Variants in TXLNB observed in about 807,000 individuals in gnomAD.
TXLNB encodes beta-taxilin.
A neutral mutation model predicts 57.4 loss-of-function variants in TXLNB; 37 were observed. The observed-to-expected ratio is 0.64, with a 90% CI of 0.50 to 0.85. The LOEUF (loss-of-function observed/expected upper bound fraction) is 0.85, where lower values mean the gene tolerates loss of function less well. Among genes scored for constraint, TXLNB ranks in the 40% least tolerant of loss-of-function variants. The pLI, the probability that TXLNB is intolerant of heterozygous loss-of-function variation, is 0.00. For missense variants in TXLNB, 848 were observed against 825.6 expected (o/e 1.03, Z -0.33); for synonymous variants, 302 against 309.6 (o/e 0.98, Z 0.26).
At chr6:139,238,819 C>T (rs1032645568), downstream of TXLNB, among the ~76,000 whole-genome samples, 4 of 152,192 alleles carry the variant, frequency 2.6e-5, no homozygotes, top group African/African-American at 9.6e-5. Flanking sequence ...ATTTTCATTT[C>T]ACATCTTCCA....
the TXLNB span, among the ~76,000 whole-genome samples, chr6:139,189,137 T>C: frequency 6.6e-6 from 1 of 152,220 alleles, no homozygotes; most frequent in African/African-American, 2.4e-5. Flanking sequence ...CAGTAAGCAA[T>C]CATATGATGT....
chr6:139,258,805 G>T (rs1180009535), intron 6 of TXLNB, among the ~76,000 whole-genome samples: 4 of 152,196 alleles, frequency 2.6e-5, no homozygotes, highest in Non-Finnish European at 5.9e-5. Context: ...CACAGAGAGT[G>T]TGGGCTTTGG....
chr6:139,276,269 C>T (rs1776893694), intron 3 of TXLNB, among the ~76,000 whole-genome samples: 1 of 152,078 alleles, frequency 6.6e-6, no homozygotes, highest in Admixed American at 6.5e-5. Flanking sequence ...TGTCAATATA[C>T]CTAAAAATGC....
the TXLNB span, chr6:139,234,242 A>C: frequency 6.6e-6 from 1 of 152,256 alleles, no homozygotes; most frequent in Admixed American, 6.5e-5. Context: ...TTGGGGGGAG[A>C]AAGTCAAGCC....
chr6:139,225,115 T>C, the TXLNB span, among the ~76,000 whole-genome samples: 1 of 152,170 alleles, frequency 6.6e-6, no homozygotes, highest in Non-Finnish European at 1.5e-5. Context: ...GAAAATGCAT[T>C]TGACAAAATT....
At chr6:139,314,519 A>G in the TXLNB span, among the ~76,000 whole-genome samples, 1 of 152,182 alleles carries the variant, frequency 6.6e-6, no homozygotes, top group African/African-American at 2.4e-5. Flanking sequence ...ACTGATGGCT[A>G]TCTTCTATCT....
At chr6:139,237,937 A>G (rs1264362076), downstream of TXLNB, among the ~76,000 whole-genome samples, 1 of 152,186 alleles carries the variant, frequency 6.6e-6, no homozygotes, top group East Asian at 1.9e-4. Context: ...TCTCCTGGCC[A>G]GGTGAAGTAG....
At chr6:139,180,691 GTT>G in the TXLNB span, 2 of 152,530 alleles carry the variant, frequency 1.3e-5, no homozygotes, top group African/African-American at 4.8e-5. Flanking sequence ...AGTGTAAATA[GTT>G]AAAGAATGTT....
chr6:139,160,853 A>G, the TXLNB span, among the ~76,000 whole-genome samples: 259 of 152,392 alleles, frequency 1.7e-3, no homozygotes, highest in African/African-American at 6.1e-3. Context: ...AAACATTTTT[A>G]TGAAACTTTA....
At chr6:139,260,927 G>A (rs1776464767) in intron 5 of TXLNB, among the ~76,000 whole-genome samples, 1 of 152,176 alleles carries the variant, frequency 6.6e-6, no homozygotes, top group South Asian at 2.1e-4. Flanking sequence ...AAGCCTTGGG[G>A]TGCCAGCATG....
rs188482337 is a variant in TXLNB at position 139,283,967 on chromosome 6, A to C, written c.424+4509T>G. On this transcript the variant is annotated intron_variant, in intron 2 of 9. Transcript: ENST00000358430. ...GGTTATAAAAGGAGACCACAGCCAG[A>C]TGTTTATATTTTCTCCAAAAGAGCA... 5.5e-3 allele frequency among the ~76,000 whole-genome samples: 808 copies of C among 145,994 alleles called. 90 individuals are homozygous for C. The highest frequency in any genetic ancestry group is 8.7e-3 in the Non-Finnish European group (572 of 65,520).
chr6:139,207,463 C>T, the TXLNB span, among the ~76,000 whole-genome samples: 1 of 152,064 alleles, frequency 6.6e-6, no homozygotes, highest in African/African-American at 2.4e-5. Flanking sequence ...TTATCAAAAC[C>T]TCTGGGATAC....
chr6:139,213,605 G>A, the TXLNB span, among the ~76,000 whole-genome samples: 1 of 152,168 alleles, frequency 6.6e-6, no homozygotes, highest in African/African-American at 2.4e-5. Context: ...AAAGCTAGCA[G>A]AAGGCAAGAA....
the TXLNB span, among the ~76,000 whole-genome samples, chr6:139,171,339 C>T: frequency 5.3e-5 from 8 of 152,130 alleles, no homozygotes; most frequent in East Asian, 3.9e-4. Flanking sequence ...CTTGTGTGTG[C>T]GTATATATAC....
At chr6:139,306,097 G>A in the TXLNB span, among the ~76,000 whole-genome samples, 1 of 152,166 alleles carries the variant, frequency 6.6e-6, no homozygotes, top group African/African-American at 2.4e-5. Flanking sequence ...CAAGAATGGT[G>A]TATTTTATCT....
At position 139,247,453 on chromosome 6, in the gene TXLNB, T is replaced by G. The variant is rs12190891; in HGVS notation, c.1170+364A>C. Among the ~76,000 whole-genome samples the G allele has an allele frequency of 7.6e-3, 1,151 of 151,702 alleles. 8 individuals carry two copies. The highest frequency in any genetic ancestry group is 0.02 in the South Asian group (98 of 4,816). On this transcript the variant is annotated intron_variant, in intron 8 of 9. Coordinates refer to ENST00000358430, the MANE Select transcript of TXLNB (RefSeq NM_153235.4). ...CCACGTCTGGACAAAAGTTTTTGTTTTTTTTTTTTTAATTCTTAGAAGGTT... is the reference window on the plus strand; with the variant it reads ...CCACGTCTGGACAAAAGTTTTTGTTGTTTTTTTTTTAATTCTTAGAAGGTT...
At chr6:139,298,655 T>C in the TXLNB span, among the ~76,000 whole-genome samples, 1 of 152,134 alleles carries the variant, frequency 6.6e-6, no homozygotes, top group Non-Finnish European at 1.5e-5. Flanking sequence ...TAAAGCAGAC[T>C]CCACTGTTGC....
intron 4 of TXLNB, among the ~76,000 whole-genome samples, chr6:139,263,557 G>A (rs564170667): frequency 2.0e-4 from 30 of 152,222 alleles, no homozygotes; most frequent in Non-Finnish European, 3.7e-4. Context: ...TTGAAGAATT[G>A]CAAATTAACT....
chr6:139,227,123 A>C, the TXLNB span, among the ~76,000 whole-genome samples: 1 of 151,930 alleles, frequency 6.6e-6, no homozygotes, highest in African/African-American at 2.4e-5. Context: ...TGGGAGGATC[A>C]TGAGGTCAGG....
Sources: allele counts gnomAD v4.1 joint callset (sites outside exome capture counted in the v4.1 genomes callset), GRCh38; gene constraint gnomAD v4.1.1; transcripts MANE v1.5; gene names NCBI Gene and HGNC (gene_info 2026-07-23, HGNC 2026-07-21).